Variants in CSTPP1 observed in about 807,000 individuals in gnomAD.
The protein encoded by CSTPP1 is centriolar satellite-associated tubulin polyglutamylase complex regulator 1.
the CSTPP1 span, among the ~76,000 whole-genome samples, chr11:46,991,885 C>T: frequency 2.0e-5 from 3 of 152,078 alleles, no homozygotes; most frequent in African/African-American, 7.2e-5. Flanking sequence ...GGATTACAGG[C>T]ACCCGCCACC....
the CSTPP1 span, among the ~76,000 whole-genome samples, chr11:47,015,451 C>T: frequency 2.0e-5 from 3 of 151,826 alleles, no homozygotes; most frequent in South Asian, 6.2e-4. Context: ...TCCAGCCTGG[C>T]AACAGAGCAA....
At chr11:46,955,744 T>C in the CSTPP1 span, among the ~76,000 whole-genome samples, 1 of 150,770 alleles carries the variant, frequency 6.6e-6, no homozygotes, top group African/African-American at 2.4e-5. Context: ...GCAATCCTAG[T>C]ACCCTGGGAA....
the CSTPP1 span, among the ~76,000 whole-genome samples, chr11:47,111,973 C>G: frequency 1.8e-4 from 28 of 152,196 alleles, no homozygotes; most frequent in Middle Eastern, 0.014. Context: ...CTAACCTCAT[C>G]TCTTCTTCCT....
At chr11:47,054,146 A>G in the CSTPP1 span, among the ~76,000 whole-genome samples, 1 of 150,502 alleles carries the variant, frequency 6.6e-6, no homozygotes, top group South Asian at 2.1e-4. Flanking sequence ...CATCTCTACT[A>G]AAAAATACAA....
chr11:46,937,672 G>C, the CSTPP1 span, among the ~76,000 whole-genome samples: 1 of 152,016 alleles, frequency 6.6e-6, no homozygotes, highest in Non-Finnish European at 1.5e-5. Flanking sequence ...CGGGTAGCTG[G>C]GACTACAGGC....
chr11:47,134,113 C>T, the CSTPP1 span, among the ~76,000 whole-genome samples: 1 of 152,144 alleles, frequency 6.6e-6, no homozygotes, highest in Non-Finnish European at 1.5e-5. Context: ...TTCTCATCCT[C>T]ATCTGTGAAA....
At chr11:47,044,315 C>T in the CSTPP1 span, among the ~76,000 whole-genome samples, 2 of 152,026 alleles carry the variant, frequency 1.3e-5, no homozygotes, top group Admixed American at 1.3e-4. Flanking sequence ...TTACTCAGCA[C>T]TTTGACTTCT....
chr11:46,978,282 T>C, the CSTPP1 span, among the ~76,000 whole-genome samples: 27 of 152,176 alleles, frequency 1.8e-4, no homozygotes, highest in Non-Finnish European at 3.1e-4. Flanking sequence ...AAATAGATGT[T>C]TAGGGAGTTT....
At chr11:47,161,412 C>A in the CSTPP1 span, 1 of 1,606,176 alleles carries the variant, frequency 6.2e-7, no homozygotes, top group Non-Finnish European at 8.5e-7. Context: ...GGAGGCCCTG[C>A]TCTCTGTACA....
At chr11:47,147,865 G>C in the CSTPP1 span, among the ~76,000 whole-genome samples, 1 of 152,132 alleles carries the variant, frequency 6.6e-6, no homozygotes, top group South Asian at 2.1e-4. Context: ...TGAACTTATG[G>C]GTGTGTAGTG....
chr11:47,021,457 T>C, the CSTPP1 span, among the ~76,000 whole-genome samples: 1 of 152,204 alleles, frequency 6.6e-6, no homozygotes, highest in Non-Finnish European at 1.5e-5. Context: ...TGGCCTATTA[T>C]ATCCATATCA....
At chr11:47,113,806 A>G in the CSTPP1 span, among the ~76,000 whole-genome samples, 325 of 151,780 alleles carry the variant, frequency 2.1e-3, 1 homozygote, top group African/African-American at 7.6e-3. Context: ...TTGCCTGTTC[A>G]CTCTGATGGT....
the CSTPP1 span, chr11:47,161,046 T>G: frequency 6.4e-7 from 1 of 1,570,864 alleles, no homozygotes; most frequent in Non-Finnish European, 8.8e-7. Context: ...CAGGCAGCCG[T>G]GAAGGTGAGG....
the CSTPP1 span, among the ~76,000 whole-genome samples, chr11:46,974,299 G>A: frequency 1.3e-5 from 2 of 151,950 alleles, no homozygotes; most frequent in African/African-American, 2.4e-5. Flanking sequence ...AGGCCGAGGC[G>A]GGCAGATCGC....
the CSTPP1 span, among the ~76,000 whole-genome samples, chr11:46,980,903 G>A: frequency 6.6e-6 from 1 of 152,008 alleles, no homozygotes; most frequent in African/African-American, 2.4e-5. Context: ...CTATTAAATC[G>A]GCAAAATTAA....
the CSTPP1 span, among the ~76,000 whole-genome samples, chr11:46,997,172 C>T: frequency 2.6e-5 from 4 of 152,258 alleles, no homozygotes; most frequent in South Asian, 4.2e-4. Flanking sequence ...TTCTGTTCTC[C>T]GCATTACTTT....
the CSTPP1 span, chr11:47,161,124 T>C: frequency 6.2e-7 from 1 of 1,614,072 alleles, no homozygotes; most frequent in South Asian, 1.1e-5. Context: ...AATGATCTCC[T>C]AGGAGCTTTG....
the CSTPP1 span, among the ~76,000 whole-genome samples, chr11:47,091,637 C>T: frequency 6.6e-6 from 1 of 152,136 alleles, no homozygotes; most frequent in African/African-American, 2.4e-5. Flanking sequence ...TGAATAATGG[C>T]CCTAAAGATA....
chr11:47,049,356 G>A, the CSTPP1 span, among the ~76,000 whole-genome samples: 3 of 151,986 alleles, frequency 2.0e-5, no homozygotes, highest in African/African-American at 7.2e-5. Context: ...ATGTAGATAG[G>A]CCAGGCGCGG....
Sources: allele counts gnomAD v4.1 joint callset (sites outside exome capture counted in the v4.1 genomes callset), GRCh38; gene constraint gnomAD v4.1.1; transcripts MANE v1.5; gene names NCBI Gene and HGNC (gene_info 2026-07-23, HGNC 2026-07-21).